Variants in RAPGEF4 observed in about 807,000 individuals in gnomAD.
RAPGEF4 encodes the protein Rap guanine nucleotide exchange factor 4.
In RAPGEF4, 66 loss-of-function variants were observed where a neutral mutation model predicts 147.9. The observed-to-expected ratio is 0.45, with a 90% confidence interval of 0.37 to 0.55. The LOEUF (loss-of-function observed/expected upper bound fraction) is 0.55, where lower values mean the gene tolerates loss of function less well. Ranked by LOEUF, RAPGEF4 falls within the 20% of genes least tolerant of loss-of-function variation. RAPGEF4 has a pLI of 0.00. For synonymous variants in RAPGEF4, 419 were observed against 442.7 expected (o/e 0.95, Z 0.67); for missense variants, 1,071 against 1,257.3 (o/e 0.85, Z 2.24).
intron 27 of RAPGEF4, among the ~76,000 whole-genome samples, chr2:173,035,875 A>C (rs1683933965): frequency 6.6e-6 from 1 of 152,160 alleles, no homozygotes. Context: ...TATCATCATA[A>C]AGGTCTTCAT....
intron 17 of RAPGEF4, among the ~76,000 whole-genome samples, chr2:173,004,723 GT>G (rs1484651678): frequency 1.3e-5 from 2 of 152,064 alleles, no homozygotes; most frequent in African/African-American, 4.8e-5. Flanking sequence ...AGAGAGCAAA[GT>G]TCACCTGGCA....
intron 22 of RAPGEF4, among the ~76,000 whole-genome samples, chr2:173,020,263 T>C (rs944185913): frequency 5.3e-5 from 8 of 152,206 alleles, no homozygotes; most frequent in African/African-American, 1.9e-4. Context: ...AAAAGTGATC[T>C]TTCTATGTCC....
chr2:172,865,480 A>G (rs1367263110), intron 4 of RAPGEF4, among the ~76,000 whole-genome samples: 2 of 152,176 alleles, frequency 1.3e-5, no homozygotes, highest in African/African-American at 4.8e-5. Context: ...GTCAGCCAAG[A>G]CCAAAAAGGG....
intron 5 of RAPGEF4, 80 bp downstream of exon 5, chr2:172,917,954 A>G: frequency 1.7e-6 from 2 of 1,182,274 alleles, no homozygotes; most frequent in Non-Finnish European, 2.5e-6. Flanking sequence ...AATATGTCCT[A>G]CACCAGCTTG....
intron 1 of RAPGEF4, among the ~76,000 whole-genome samples, chr2:172,754,431 G>A (rs1489923552): frequency 6.6e-6 from 1 of 152,138 alleles, no homozygotes; most frequent in Non-Finnish European, 1.5e-5. Context: ...TTAGGATGGA[G>A]AGATATCTAT....
chr2:172,961,634 G>A lies in RAPGEF4; in HGVS notation c.698+406G>A, dbSNP rs541546199. Among the ~76,000 whole-genome samples, 17 of 152,282 alleles carry A rather than the reference G, an allele frequency of 1.1e-4. 1 individual carries two copies. The South Asian group carries it at 3.3e-3, about 30-fold the overall frequency. Reference sequence around the variant, plus strand: ...TCATTCACATAACACTGCTAGACATGTAGACCATTTTTCAGATAACAAAAC... The same window carrying A: ...TCATTCACATAACACTGCTAGACATATAGACCATTTTTCAGATAACAAAAC... On this transcript the variant is annotated intron_variant, in intron 8 of 30. Coordinates refer to ENST00000397081, the MANE Select transcript of RAPGEF4 (RefSeq NM_007023.4).
At chr2:172,931,719 G>A (rs891588508) in intron 6 of RAPGEF4, among the ~76,000 whole-genome samples, 4 of 152,158 alleles carry the variant, frequency 2.6e-5, no homozygotes, top group African/African-American at 7.2e-5. Context: ...GGGGCACATC[G>A]GAGAGTCATG....
chr2:173,020,557 G>T, intron 22 of RAPGEF4, 61 bp from the exon 23 acceptor site: 1 of 1,324,824 alleles, frequency 7.5e-7, no homozygotes, highest in South Asian at 1.2e-5. Flanking sequence ...GGTGTGATTA[G>T]GGCAGTGCAG....
At chr2:172,829,175 C>T (rs1690015803) in intron 4 of RAPGEF4, among the ~76,000 whole-genome samples, 1 of 152,346 alleles carries the variant, frequency 6.6e-6, no homozygotes, top group East Asian at 1.9e-4. Flanking sequence ...ACTAGACACA[C>T]TCAGGAGATC....
In RAPGEF4 at chr2:172,850,613, G is replaced by A. The variant is rs370508523; in HGVS notation, c.444+36188G>A. Among the ~76,000 whole-genome samples the A allele has an allele frequency of 1.7e-3, 254 of 150,170 alleles. 1 individual carries two copies. Among genetic ancestry groups the A allele is most frequent in the African/African-American group, 6.1e-3 (248 of 40,822 alleles). On this transcript the variant is annotated intron_variant, in intron 4 of 30. Transcript: ENST00000397081. ...AGCCTGGGCCACAGAGCGAGACTCT[G>A]TCTCAAAAAAAAAAAAATTAACAGA...
At chr2:172,901,811 T>C (rs1314376544) in intron 4 of RAPGEF4, among the ~76,000 whole-genome samples, 1 of 152,208 alleles carries the variant, frequency 6.6e-6, no homozygotes, top group Non-Finnish European at 1.5e-5. Context: ...GCAAGTGTTC[T>C]AGGGTCTGGG....
chr2:172,750,615 G>C (rs1173186961), intron 1 of RAPGEF4, among the ~76,000 whole-genome samples: 1 of 152,078 alleles, frequency 6.6e-6, no homozygotes, highest in Non-Finnish European at 1.5e-5. Context: ...AGTGCACAGA[G>C]GTTCCCTTTT....
chr2:172,935,324 A>G (rs1402743165), intron 6 of RAPGEF4, among the ~76,000 whole-genome samples: 1 of 152,158 alleles, frequency 6.6e-6, no homozygotes, highest in Admixed American at 6.5e-5. Flanking sequence ...AGCAGCCACA[A>G]TGAGGGAGCA....
chr2:172,779,451 G>C (rs1256490545), intron 1 of RAPGEF4, among the ~76,000 whole-genome samples: 1 of 152,160 alleles, frequency 6.6e-6, no homozygotes, highest in Non-Finnish European at 1.5e-5. Flanking sequence ...TGTTGCAAGG[G>C]CTTGAAGGTG....
chr2:173,049,939 A>T (rs1438912909), intron 30 of RAPGEF4, among the ~76,000 whole-genome samples: 1 of 152,224 alleles, frequency 6.6e-6, no homozygotes, highest in Non-Finnish European at 1.5e-5. Context: ...CAGCGGGGAT[A>T]AAAGGGGACC....
At position 173,033,978 on chromosome 2, in the gene RAPGEF4, G is replaced by A. The variant is rs1324645444; in HGVS notation, c.2700+14G>A. ...GAAAGTTTAATGGTAAGTGACAGTGGCTTCTTTATTCTGTTCACTGTCTAC... is the reference window on the plus strand; with the variant it reads ...GAAAGTTTAATGGTAAGTGACAGTGACTTCTTTATTCTGTTCACTGTCTAC... On this transcript the variant is annotated intron_variant, in intron 27 of 30. Transcript: ENST00000397081. 2 of 1,607,680 alleles carry A rather than the reference G, an allele frequency of 1.2e-6. No individual in the cohort carries two copies. The highest frequency in any genetic ancestry group is 1.7e-6 in the Non-Finnish European group (2 of 1,176,680).
At chr2:172,738,786 C>G (rs1309462038) in intron 1 of RAPGEF4, among the ~76,000 whole-genome samples, 2 of 151,990 alleles carry the variant, frequency 1.3e-5, no homozygotes, top group African/African-American at 4.8e-5. Context: ...CAAATATATG[C>G]CTCATTCAAG....
intron 1 of RAPGEF4, among the ~76,000 whole-genome samples, chr2:172,756,151 G>C (rs1252862621): frequency 1.3e-5 from 2 of 152,122 alleles, no homozygotes; most frequent in Non-Finnish European, 2.9e-5. Flanking sequence ...AACTGATTAA[G>C]GTTCAAATAT....
intron 10 of RAPGEF4, among the ~76,000 whole-genome samples, chr2:172,976,390 T>C (rs1691068235): frequency 6.6e-6 from 1 of 152,174 alleles, no homozygotes; most frequent in Admixed American, 6.5e-5. Context: ...GCACTAAACT[T>C]TCCTTTAAGG....
Sources: allele counts gnomAD v4.1 joint callset (sites outside exome capture counted in the v4.1 genomes callset), GRCh38; gene constraint gnomAD v4.1.1; transcripts MANE v1.5; gene names NCBI Gene and HGNC (gene_info 2026-07-23, HGNC 2026-07-21).